Variants in TACR1 observed in about 807,000 individuals in gnomAD.
TACR1 encodes tachykinin receptor 1.
A neutral mutation model predicts 35.8 loss-of-function variants in TACR1; 25 were observed. The ratio of observed to expected loss-of-function variants is 0.70; its 90% CI spans 0.51 to 0.98. TACR1 has a LOEUF of 0.98. TACR1 is among the 50% of genes least tolerant of loss of function. TACR1 has a pLI of 0.00. For missense variants in TACR1, 478 were observed against 522.9 expected (o/e 0.91, Z 0.84); for synonymous variants, 195 against 206.7 (o/e 0.94, Z 0.48).
intron 1 of TACR1, among the ~76,000 whole-genome samples, chr2:75,162,349 T>TA (rs1675030511): frequency 6.6e-6 from 1 of 152,200 alleles, no homozygotes; most frequent in Non-Finnish European, 1.5e-5. Context: ...GCAGAATCTT[T>TA]AAAAAATGTG....
chr2:75,154,471 GATT>G (rs1558572494), intron 1 of TACR1: 21 of 56,160 alleles, frequency 3.7e-4, no homozygotes, highest in African/African-American at 1.2e-3. Context: ...ACCCAGTGGA[GATT>G]CAGCACTAAC....
At chr2:75,189,261 C>G (rs768114087) in intron 1 of TACR1, 4 of 152,208 alleles carry the variant, frequency 2.6e-5, no homozygotes, top group Non-Finnish European at 5.9e-5. Context: ...CAGCTCTGGG[C>G]AAGACCCCTG....
intron 2 of TACR1, among the ~76,000 whole-genome samples, chr2:75,089,130 C>CAG (rs1302228268): frequency 6.6e-6 from 1 of 152,240 alleles, no homozygotes; most frequent in Non-Finnish European, 1.5e-5. Flanking sequence ...AAGGCAGGTA[C>CAG]AGAGCTCTAA....
chr2:75,107,968 T>A (rs1304608344), intron 2 of TACR1, among the ~76,000 whole-genome samples: 2 of 151,954 alleles, frequency 1.3e-5, no homozygotes, highest in Non-Finnish European at 2.9e-5. Context: ...AATTGTATGT[T>A]ATTAAATTAA....
chr2:75,144,761 A>T (rs1330379700), intron 1 of TACR1, among the ~76,000 whole-genome samples: 1 of 152,220 alleles, frequency 6.6e-6, no homozygotes, highest in Admixed American at 6.5e-5. Context: ...ATGTGAATTT[A>T]TCTTATAAAT....
chr2:75,160,144 G>T (rs550435610), intron 1 of TACR1, among the ~76,000 whole-genome samples: 239 of 152,262 alleles, frequency 1.6e-3, no homozygotes, highest in African/African-American at 5.3e-3. Context: ...CAGTTATGTG[G>T]ATAGCCAGGG....
intron 2 of TACR1, among the ~76,000 whole-genome samples, chr2:75,117,132 A>G (rs886397849): frequency 2.2e-5 from 2 of 89,364 alleles, no homozygotes; most frequent in Non-Finnish European, 4.3e-5. Flanking sequence ...GACTTTGTGG[A>G]TTGTGTGTGT....
intron 2 of TACR1, among the ~76,000 whole-genome samples, chr2:75,081,103 A>G (rs1673078158): frequency 6.6e-6 from 1 of 152,202 alleles, no homozygotes. Flanking sequence ...CAGCCTCTCA[A>G]TTCACCACAC....
chr2:75,049,927 A>T (rs1672435069), intron 4 of TACR1, among the ~76,000 whole-genome samples: 1 of 152,028 alleles, frequency 6.6e-6, no homozygotes, highest in Admixed American at 6.5e-5. Flanking sequence ...AGAAAAAAAA[A>T]ATCCAACACT....
chr2:75,142,930 T>G (rs1197474027), intron 1 of TACR1, among the ~76,000 whole-genome samples: 1 of 152,152 alleles, frequency 6.6e-6, no homozygotes. Context: ...TGGAGTAAGG[T>G]CTCACAGACA....
At chr2:75,073,070 A>G (rs892477891) in intron 2 of TACR1, among the ~76,000 whole-genome samples, 1 of 152,256 alleles carries the variant, frequency 6.6e-6, no homozygotes, top group African/African-American at 2.4e-5. Context: ...TTTTAAATAT[A>G]GAAACCTCTC....
intron 1 of TACR1, among the ~76,000 whole-genome samples, chr2:75,169,451 T>G (rs181216044): frequency 1.3e-5 from 2 of 152,334 alleles, no homozygotes; most frequent in Non-Finnish European, 2.9e-5. Context: ...GGTCATAATA[T>G]TTTCTGCTAA....
chr2:75,194,976 A>G (rs1375189687), intron 1 of TACR1, among the ~76,000 whole-genome samples: 2 of 152,104 alleles, frequency 1.3e-5, no homozygotes, highest in Non-Finnish European at 2.9e-5. Flanking sequence ...TCTGCTCCAC[A>G]GTACTTGCCA....
At chr2:75,120,510 A>G (rs1673945749) in intron 2 of TACR1, 64 bp downstream of exon 2, 1 of 1,431,434 alleles carries the variant, frequency 7.0e-7, no homozygotes, top group Non-Finnish European at 9.5e-7. Context: ...AGAAAGAGCA[A>G]GAAGGGGCCA....
intron 2 of TACR1, among the ~76,000 whole-genome samples, chr2:75,104,853 TA>T (rs1459619276): frequency 1.3e-5 from 2 of 152,052 alleles, no homozygotes; most frequent in South Asian, 2.1e-4. Context: ...TCAGAACTGT[TA>T]TGATGGCTAT....
intron 1 of TACR1, among the ~76,000 whole-genome samples, chr2:75,168,564 C>G (rs1675201654): frequency 6.6e-6 from 1 of 152,294 alleles, no homozygotes; most frequent in South Asian, 2.1e-4. Context: ...AACATTCACC[C>G]CTACAGTGTC....
chr2:75,146,998 TAC>T (rs1187693093), intron 1 of TACR1, among the ~76,000 whole-genome samples: 1 of 152,220 alleles, frequency 6.6e-6, no homozygotes, highest in Non-Finnish European at 1.5e-5. Context: ...TGTGTGCATT[TAC>T]ACTGATGCAA....
chr2:75,144,316 A>G (rs778611675), intron 1 of TACR1, among the ~76,000 whole-genome samples: 14 of 152,206 alleles, frequency 9.2e-5, no homozygotes, highest in East Asian at 3.9e-4. Flanking sequence ...CTTCAGCACA[A>G]CATGAGTTCT....
At chr2:75,076,967 C>CTAT (rs1037255745) in intron 2 of TACR1, among the ~76,000 whole-genome samples, 2 of 152,090 alleles carry the variant, frequency 1.3e-5, no homozygotes, top group Admixed American at 1.3e-4. Context: ...CACCACACAT[C>CTAT]TATTATTATT....
Sources: gnomAD v4.1 joint callset for allele counts (sites outside exome capture counted in the v4.1 genomes callset) on GRCh38, gnomAD v4.1.1 for gene constraint, MANE v1.5 for transcripts, NCBI Gene and HGNC (gene_info 2026-07-23, HGNC 2026-07-21) for gene names.